Variants in AGAP1 observed in about 807,000 individuals in gnomAD.
AGAP1 encodes arf-GAP with GTPase, ANK repeat and PH domain-containing protein 1.
In AGAP1, 29 loss-of-function variants were observed where a neutral mutation model predicts 105.3. That is an observed-to-expected ratio of 0.28 (90% CI 0.21 to 0.38). AGAP1 has a LOEUF of 0.38. Ranked by LOEUF, AGAP1 falls within the 10% of genes least tolerant of loss-of-function variation. AGAP1 has a pLI of 1.00. For missense variants in AGAP1, 998 were observed against 1,165.1 expected, an observed-to-expected ratio of 0.86 and a Z score of 2.09; for synonymous variants, 509 against 485.9, an observed-to-expected ratio of 1.05 and a Z score of -0.63.
intron 1 of AGAP1, among the ~76,000 whole-genome samples, chr2:235,496,504 A>T (rs141796257): frequency 1.3e-5 from 2 of 152,260 alleles, no homozygotes; most frequent in African/African-American, 4.8e-5. Context: ...CACGGTGCTC[A>T]TTTCAGATGG....
rs2059724336 is a variant in AGAP1 at position 236,114,563 on chromosome 2, G to A, written c.2115-5629G>A. 6.6e-6 allele frequency among the ~76,000 whole-genome samples: 1 copy of A among 152,140 alleles called. No homozygotes were observed. The highest frequency in any genetic ancestry group is 1.5e-5 in the Non-Finnish European group (1 of 68,036). ...AAGTCTGGAGTCAGGGTGCCCGCAG[G>A]GTTGGTTCTGGTGAGACCTCTCTCC... is the stretch of plus-strand genomic sequence containing the variant. On this transcript the variant is annotated intron_variant, in intron 16 of 17. Transcript: ENST00000304032. This position sits in a 1 kb window ranked among gnomAD's most constrained non-coding sequence, Gnocchi z 5.0.
rs954614383 is a variant in AGAP1, at chr2:235,751,303, C to G, written c.673+815C>G. 2.6e-5 allele frequency among the ~76,000 whole-genome samples: 4 copies of G among 152,090 alleles called. No individual in the cohort carries two copies. The highest frequency in any genetic ancestry group is 9.7e-5 in the African/African-American group (4 of 41,396). ...AGAGGCATGGTTCTGGCAGAGGGTC[C>G]CCTTGCTGGTGGGAGTGGTGGAAGT... is the stretch of plus-strand genomic sequence containing the variant. On this transcript the variant is annotated intron_variant, in intron 6 of 17. Coordinates refer to ENST00000304032, the MANE Select transcript of AGAP1 (RefSeq NM_001037131.3). The surrounding 1 kb of genome is among the most constrained non-coding windows in gnomAD (Gnocchi z 5.3).
At chr2:235,932,548 G>T (rs540549006) in intron 12 of AGAP1, among the ~76,000 whole-genome samples, 1 of 152,356 alleles carries the variant, frequency 6.6e-6, no homozygotes, top group African/African-American at 2.4e-5. Context: ...GGAGATGCAC[G>T]CTGGGCCTTC....
intron 9 of AGAP1, among the ~76,000 whole-genome samples, chr2:235,818,703 A>G (rs1575546837): frequency 6.6e-6 from 1 of 152,054 alleles, no homozygotes; most frequent in Non-Finnish European, 1.5e-5. Context: ...TCATCCTCCT[A>G]AGTAGCTGGG....
At chr2:235,853,067 AAAGG>A in intron 9 of AGAP1, 2 of 1,235,830 alleles carry the variant, frequency 1.6e-6, no homozygotes, top group Non-Finnish European at 2.0e-6. Flanking sequence ...TTCAGTCCAC[AAAGG>A]AAGGAAATCA....
At chr2:235,670,971 G>T in intron 1 of AGAP1, 1 of 1,317,348 alleles carries the variant, frequency 7.6e-7, no homozygotes, top group South Asian at 2.2e-5. Flanking sequence ...GGAGCCTCGC[G>T]GCCACGCGGC....
In AGAP1 at chr2:235,615,603, G is replaced by C. The variant is rs1423895622; in HGVS notation, c.164-93576G>C. On this transcript the variant is annotated intron_variant, in intron 1 of 17. Transcript: ENST00000304032. This position sits in a 1 kb window ranked among gnomAD's most constrained non-coding sequence, Gnocchi z 5.0. ...AAAGTATTTTAAGGAAGTGGGGTCA[G>C]CTTTCCTCTGCTCCCCTGACTTCAC... is the stretch of plus-strand genomic sequence containing the variant. Among the ~76,000 whole-genome samples, 1 of 152,178 alleles carries C rather than the reference G, an allele frequency of 6.6e-6. No homozygotes were observed. Among genetic ancestry groups the C allele is most frequent in the Non-Finnish European group, 1.5e-5 (1 of 68,036 alleles).
At chr2:235,629,450 A>G (rs1559300012) in intron 1 of AGAP1, among the ~76,000 whole-genome samples, 1 of 152,138 alleles carries the variant, frequency 6.6e-6, no homozygotes, top group Non-Finnish European at 1.5e-5. Flanking sequence ...GGCCCTAGTC[A>G]GACACCGTAG....
chr2:236,079,254 T>C (rs1334204885), intron 16 of AGAP1, among the ~76,000 whole-genome samples: 3,270 of 151,834 alleles, frequency 0.022, 51 homozygotes, highest in African/African-American at 0.046. Context: ...GCACGGTGGC[T>C]TACACCTGTA....
rs762216898 is a variant in AGAP1, at chr2:235,601,178, A to T, written c.163+106329A>T. Among the ~76,000 whole-genome samples, 11 of 152,194 alleles carry T rather than the reference A, an allele frequency of 7.2e-5. No homozygotes were observed. The highest frequency in any genetic ancestry group is 1.3e-4 in the Non-Finnish European group (9 of 68,032). On this transcript the variant is annotated intron_variant, in intron 1 of 17. Transcript: ENST00000304032. The surrounding 1 kb of genome is among the most constrained non-coding windows in gnomAD (Gnocchi z 4.4). ...ACAGAAGTGTATTTGCTCAGTTTGT[A>T]GAAGTTGAAAGTCCAAGGTCAAGGT...
At chr2:236,028,058 A>G (rs1373151438) in intron 13 of AGAP1, among the ~76,000 whole-genome samples, 1 of 152,124 alleles carries the variant, frequency 6.6e-6, no homozygotes, top group African/African-American at 2.4e-5. Context: ...ATCTTAAGTG[A>G]GTCTGGGGTT....
intron 16 of AGAP1, among the ~76,000 whole-genome samples, chr2:236,094,973 C>T (rs1382035170): frequency 6.6e-6 from 1 of 150,738 alleles, no homozygotes; most frequent in African/African-American, 2.4e-5. Flanking sequence ...GCGGCGCATG[C>T]CTGTGGTCCC....
intron 11 of AGAP1, among the ~76,000 whole-genome samples, chr2:235,917,416 G>A (rs2051945067): frequency 6.6e-6 from 1 of 152,094 alleles, no homozygotes; most frequent in Admixed American, 6.5e-5. Context: ...ACTAATTATT[G>A]TCATGAATAT....
In AGAP1 at chr2:235,879,632, C is replaced by G. The variant is rs1301434051; in HGVS notation, c.1051-3713C>G. ...CTCACTCCCTGTCATCCAGCACTTT[C>G]TAAAGACCTAAGCGAGGCATGGTGG... On this transcript the variant is annotated intron_variant, in intron 9 of 17. Transcript: ENST00000304032. The surrounding 1 kb of genome is among the most constrained non-coding windows in gnomAD (Gnocchi z 5.0). Among the ~76,000 whole-genome samples the G allele has an allele frequency of 6.6e-6, 1 of 152,052 alleles. No individual in the cohort carries two copies. Among genetic ancestry groups the G allele is most frequent in the East Asian group, 1.9e-4 (1 of 5,178 alleles).
rs1366515990 is a variant in AGAP1, at chr2:235,744,789, C to T, written c.488C>T (p.Ala163Val). 6.2e-7 allele frequency: 1 copy of T among 1,613,864 alleles called. No homozygotes were observed. Among genetic ancestry groups the T allele is most frequent in the African/African-American group, 1.3e-5 (1 of 74,862 alleles). Residue 163 changes from alanine (A) to valine (V), a missense_variant, in exon 5 of 18, where the codon GCC (alanine) becomes GTC (valine). Transcript: ENST00000304032. This position sits in a 1 kb window ranked among gnomAD's most constrained non-coding sequence, Gnocchi z 5.2. ...QTVYHYYSRM[A>V]NYRNTSEIPL... The stretch of plus-strand genomic sequence containing the variant: ...GTTTACCACTACTACAGTCGAATGG[C>T]CAACTATCGGAACACGAGCGAGATT...
chr2:235,886,207 C>A (rs534725099), intron 10 of AGAP1, among the ~76,000 whole-genome samples: 3 of 152,352 alleles, frequency 2.0e-5, no homozygotes, highest in East Asian at 3.9e-4. Flanking sequence ...GAGCAGAGGT[C>A]TAACTATTGA....
intron 1 of AGAP1, among the ~76,000 whole-genome samples, chr2:235,512,383 A>G (rs1018225082): frequency 4.6e-5 from 7 of 152,128 alleles, no homozygotes; most frequent in African/African-American, 1.7e-4. Context: ...GATTGCTTGA[A>G]GCTAGGAGTT....
rs753271398 is a variant in AGAP1 at position 235,908,834 on chromosome 2, G to C, written c.1252G>C (p.Ala418Pro). The change falls in exon 11 of 18, where the codon GCA (alanine) becomes CCA (proline). Residue 418 changes from alanine (A) to proline (P), a missense_variant. This residue lies in a region of AGAP1 where 735 missense variants were observed against 833.4 expected (regional missense o/e 0.88). Coordinates refer to ENST00000304032, the MANE Select transcript of AGAP1 (RefSeq NM_001037131.3). The surrounding 1 kb of genome is among the most constrained non-coding windows in gnomAD (Gnocchi z 4.4). Reference sequence around the variant, plus strand: ...GCCACCCCGAGCCACGTCAGCCTGCGCACCCATCTCCAGCCCTAAAACCAA... The same window carrying C: ...GCCACCCCGAGCCACGTCAGCCTGCCCACCCATCTCCAGCCCTAAAACCAA... ...KRPPRATSAC[A>P]PISSPKTNGL... is the part of the protein sequence containing the mutation. 1.9e-6 allele frequency: 3 copies of C among 1,613,856 alleles called. No individual in the cohort carries two copies. The highest frequency in any genetic ancestry group is 2.7e-5 in the African/African-American group (2 of 74,854).
At position 235,690,376 on chromosome 2, in the gene AGAP1, G is replaced by T. The variant is rs1177751253; in HGVS notation, c.164-18803G>T. Among the ~76,000 whole-genome samples, 3 of 152,146 alleles carry T rather than the reference G, an allele frequency of 2.0e-5. No homozygotes were observed. The highest frequency in any genetic ancestry group is 2.9e-5 in the Non-Finnish European group (2 of 68,034). On this transcript the variant is annotated intron_variant, in intron 1 of 17. Coordinates refer to ENST00000304032, the MANE Select transcript of AGAP1 (RefSeq NM_001037131.3). The surrounding 1 kb of genome is among the most constrained non-coding windows in gnomAD (Gnocchi z 4.1). ...GGGGGCAGGTGCAGGAGGGAGCCTG[G>T]CTCTTCAGGTTAAATTGTGTTTCAA...
Sources: allele counts gnomAD v4.1 joint callset (sites outside exome capture counted in the v4.1 genomes callset), GRCh38; gene constraint gnomAD v4.1.1; regional missense constraint gnomAD v4.1.1; non-coding constraint Gnocchi (gnomAD v3.1); transcripts MANE v1.5; gene names NCBI Gene and HGNC (gene_info 2026-07-23, HGNC 2026-07-21).